KCNT2: variants seen among roughly 807,000 people sequenced by gnomAD.
KCNT2 encodes potassium channel subfamily T member 2.
A neutral mutation model predicts 153.8 loss-of-function variants in KCNT2; 67 were observed. That is an observed-to-expected ratio of 0.44 (90% confidence interval 0.36 to 0.53). The LOEUF is 0.53. Among genes scored for constraint, KCNT2 ranks in the 20% least tolerant of loss-of-function variants. KCNT2 has a pLI of 0.00. For synonymous variants in KCNT2, 500 were observed against 458.8 expected, an observed-to-expected ratio of 1.09 and a Z score of -1.15; for missense variants, 975 against 1,354.8, an observed-to-expected ratio of 0.72 and a Z score of 4.40.
At chr1:196,598,764 A>G (rs1342114444) in intron 1 of KCNT2, among the ~76,000 whole-genome samples, 2 of 152,240 alleles carry the variant, frequency 1.3e-5, no homozygotes, top group Non-Finnish European at 2.9e-5. Flanking sequence ...TTCATTTGTA[A>G]AATGGGAAAA....
Position 196,282,261 on chromosome 1 carries a change from T to A in KCNT2, c.2781+12A>T, listed in dbSNP as rs769902505. On this transcript the variant is annotated intron_variant, in intron 24 of 27. Transcript: ENST00000294725. ...TCACAACTATCTTTTATTCTAGAGATTATTAACTTACAGAACAAAGAAACC... is the reference window on the plus strand; with the variant it reads ...TCACAACTATCTTTTATTCTAGAGAATATTAACTTACAGAACAAAGAAACC... The A allele has an allele frequency of 6.9e-7, 1 of 1,458,450 alleles. No homozygotes were observed. The highest frequency in any genetic ancestry group is 1.7e-5 in the Admixed American group (1 of 59,116). 90.3% of individuals were successfully genotyped at this position (1,458,450 alleles called of 1,614,324 possible).
rs184888906 is a variant in KCNT2 at position 196,417,217 on chromosome 1, G to A, written c.1185+5833C>T. On this transcript the variant is annotated intron_variant, in intron 12 of 27. Coordinates refer to ENST00000294725, the MANE Select transcript of KCNT2 (RefSeq NM_198503.5). ...AGTACATATATAAAAAACACAGGCA[G>A]TTCAACTGCAAATTTACCCATGTTT... 3.9e-5 allele frequency among the ~76,000 whole-genome samples: 6 copies of A among 152,176 alleles called. No individual in the cohort carries two copies. In the East Asian group the frequency reaches 9.7e-4, roughly 25 times the overall value.
At chr1:196,587,858 C>G (rs1662876167) in intron 1 of KCNT2, among the ~76,000 whole-genome samples, 1 of 151,970 alleles carries the variant, frequency 6.6e-6, no homozygotes, top group Non-Finnish European at 1.5e-5. Context: ...AAAATTAAGA[C>G]AGTTCAAATT....
intron 13 of KCNT2, among the ~76,000 whole-genome samples, chr1:196,396,088 A>T (rs1670914054): frequency 1.3e-5 from 2 of 151,722 alleles, no homozygotes; most frequent in South Asian, 4.1e-4. Flanking sequence ...GGTCTGCATG[A>T]TTCCTTGGGT....
intron 12 of KCNT2, among the ~76,000 whole-genome samples, chr1:196,414,314 A>C (rs2148493611): frequency 6.6e-6 from 1 of 151,894 alleles, no homozygotes; most frequent in Non-Finnish European, 1.5e-5. Context: ...CTGCAAGATT[A>C]ATCAATTAAA....
chr1:196,300,303 G>A (rs896247865), intron 22 of KCNT2, among the ~76,000 whole-genome samples: 1 of 152,140 alleles, frequency 6.6e-6, no homozygotes, highest in Non-Finnish European at 1.5e-5. Flanking sequence ...TTATCCTTCC[G>A]TGTTTTTAGC....
rs1206247439 is a variant in KCNT2 at position 196,549,187 on chromosome 1, A to G, written c.96-56846T>C. ...AGAAGTAAATCCAAAACTTTCTGTTACTCAATAAAATGTATAATTTTGGCA... is the reference window on the plus strand; with the variant it reads ...AGAAGTAAATCCAAAACTTTCTGTTGCTCAATAAAATGTATAATTTTGGCA... On this transcript the variant is annotated intron_variant, in intron 1 of 27. Transcript: ENST00000294725. 2.0e-5 allele frequency among the ~76,000 whole-genome samples: 3 copies of G among 151,956 alleles called. No individual in the cohort carries two copies. In the East Asian group the frequency reaches 5.8e-4, roughly 30 times the overall value.
At chr1:196,251,907 A>C (rs952396149) in intron 26 of KCNT2, among the ~76,000 whole-genome samples, 2 of 151,890 alleles carry the variant, frequency 1.3e-5, no homozygotes, top group Non-Finnish European at 2.9e-5. Flanking sequence ...AAAATTAAAA[A>C]ATTTAAAAAT....
At position 196,558,455 on chromosome 1, in the gene KCNT2, G is replaced by A. The variant is rs577803300; in HGVS notation, c.95+49760C>T. ...TTAATTTGGGGGGTGTTTTTTACTT[G>A]TTTTTGTTTTGGCTTGCAGCATTTG... On this transcript the variant is annotated intron_variant, in intron 1 of 27. Transcript: ENST00000294725. Among the ~76,000 whole-genome samples the A allele has an allele frequency of 2.0e-5, 3 of 150,288 alleles. No homozygotes were observed. The South Asian group carries it at 6.3e-4, about 31-fold the overall frequency.
At chr1:196,467,085 C>A (rs1677685441) in intron 7 of KCNT2, among the ~76,000 whole-genome samples, 1 of 152,008 alleles carries the variant, frequency 6.6e-6, no homozygotes, top group Non-Finnish European at 1.5e-5. Context: ...ATGTTCACTG[C>A]ATATGAGACT....
chr1:196,278,314 TTA>T (rs1290874194), intron 25 of KCNT2, among the ~76,000 whole-genome samples: 6 of 152,196 alleles, frequency 3.9e-5, no homozygotes, highest in Admixed American at 3.3e-4. Flanking sequence ...TTTCTACTGT[TTA>T]TCTTTGTTAG....
rs1326959563 is a variant in KCNT2 at position 196,334,035 on chromosome 1, A to G, written c.1809T>C (p.Asp603=). 2.5e-6 allele frequency: 4 copies of G among 1,613,028 alleles called. No homozygotes were observed. The highest frequency in any genetic ancestry group is 2.7e-5 in the African/African-American group (2 of 74,876). The change falls in exon 17 of 28, where the codon GAT becomes GAC. Residue 603 remains aspartate, a synonymous_variant. Transcript: ENST00000294725. ...GGCCACTTGCTGATCTACAGCTTGT[A>G]TCTTGCAAGTCTATAGCCACAGTAC... The part of the protein sequence containing the change: ...SMGTVAIDLQ[D]TSCRSASGPT...
intron 8 of KCNT2, among the ~76,000 whole-genome samples, chr1:196,450,803 G>A (rs993705767): frequency 5.5e-5 from 8 of 145,612 alleles, no homozygotes; most frequent in East Asian, 2.0e-4. Flanking sequence ...TTATTAAAAC[G>A]TCTATCTGAG....
chr1:196,406,181 C>T lies in KCNT2; in HGVS notation c.1186-7510G>A, dbSNP rs138417447. Among the ~76,000 whole-genome samples the T allele has an allele frequency of 3.6e-3, 543 of 151,498 alleles. 2 individuals are homozygous for T. The highest frequency in any genetic ancestry group is 5.9e-3 in the Non-Finnish European group (402 of 67,620). The stretch of plus-strand genomic sequence containing the variant: ...AAGGTTAGATTACATACACATATAT[C>T]TGATAATATCAAAAACTGGAGGTAA... On this transcript the variant is annotated intron_variant, in intron 12 of 27. Coordinates refer to ENST00000294725, the MANE Select transcript of KCNT2 (RefSeq NM_198503.5).
At chr1:196,301,009 C>T (rs1661136846) in intron 22 of KCNT2, among the ~76,000 whole-genome samples, 1 of 152,088 alleles carries the variant, frequency 6.6e-6, no homozygotes, top group African/African-American at 2.4e-5. Flanking sequence ...CCCTTATTGG[C>T]CTAAAGTCTG....
intron 22 of KCNT2, among the ~76,000 whole-genome samples, chr1:196,295,928 T>C (rs2147939179): frequency 6.6e-6 from 1 of 152,100 alleles, no homozygotes; most frequent in Admixed American, 6.5e-5. Context: ...AATTATATCA[T>C]GGTTTTGAAA....
At chr1:196,560,612 C>G (rs1659249429) in intron 1 of KCNT2, among the ~76,000 whole-genome samples, 1 of 151,926 alleles carries the variant, frequency 6.6e-6, no homozygotes, top group Non-Finnish European at 1.5e-5. Context: ...CTATCTCACT[C>G]TCTGTGGGAA....
At chr1:196,550,267 G>A (rs1025721963) in intron 1 of KCNT2, among the ~76,000 whole-genome samples, 1 of 151,488 alleles carries the variant, frequency 6.6e-6, no homozygotes, top group Non-Finnish European at 1.5e-5. Context: ...GCATGAGTGA[G>A]AGAAAAAAAA....
At chr1:196,457,287 G>A (rs1265727114) in intron 8 of KCNT2, among the ~76,000 whole-genome samples, 4 of 151,482 alleles carry the variant, frequency 2.6e-5, no homozygotes, top group Admixed American at 2.0e-4. Context: ...AATGAATTGT[G>A]TTCTCTAGTA....
Sources: allele counts gnomAD v4.1 joint callset (sites outside exome capture counted in the v4.1 genomes callset), GRCh38; gene constraint gnomAD v4.1.1; transcripts MANE v1.5; gene names NCBI Gene and HGNC (gene_info 2026-07-23, HGNC 2026-07-21).